Variants in SOX5 observed in about 807,000 individuals in gnomAD.
SOX5 encodes the protein SRY-box transcription factor 5.
SOX5 carries 9 observed loss-of-function variants against 92.0 expected under a neutral mutation model. The ratio of observed to expected loss-of-function variants is 0.10; its 90% confidence interval spans 0.06 to 0.17. SOX5 has a LOEUF of 0.17. SOX5 is among the 10% of genes least tolerant of loss of function. The probability of loss-of-function intolerance (pLI) is 1.00; values close to 1 mark genes in which losing one functional copy is unlikely to be tolerated. For missense variants in SOX5, 642 were observed against 944.5 expected, an observed-to-expected ratio of 0.68 and a Z score of 4.20; for synonymous variants, 344 against 336.3, an observed-to-expected ratio of 1.02 and a Z score of -0.25.
chr12:24,351,777 G>T (rs1954116989), intron 2 of SOX5, among the ~76,000 whole-genome samples: 1 of 152,152 alleles, frequency 6.6e-6, no homozygotes, highest in Non-Finnish European at 1.5e-5. Context: ...GGTAATTAAT[G>T]CAGTAAGAAA....
intron 2 of SOX5, among the ~76,000 whole-genome samples, chr12:24,355,556 A>G (rs1954733416): frequency 6.6e-6 from 1 of 152,118 alleles, no homozygotes; most frequent in Non-Finnish European, 1.5e-5. Flanking sequence ...GATAGGCCAG[A>G]TTCAGGGCCC....
rs115584787 is a variant in SOX5 at position 24,557,871 on chromosome 12, A to G, written c.-251+4458T>C. On this transcript the variant is annotated intron_variant, in intron 1 of 4. Coordinates refer to the SOX5 transcript ENST00000446891. Reference sequence around the variant, plus strand: ...CTAGTACTCCCCAAGATACATTTTTATGGCTCAATTTTGAAGGATGGTTAT... The same window carrying G: ...CTAGTACTCCCCAAGATACATTTTTGTGGCTCAATTTTGAAGGATGGTTAT... 4.1e-3 allele frequency among the ~76,000 whole-genome samples: 630 copies of G among 152,340 alleles called. 3 individuals are homozygous for G. Among genetic ancestry groups the G allele is most frequent in the African/African-American group, 0.014 (590 of 41,582 alleles).
intron 4 of SOX5, among the ~76,000 whole-genome samples, chr12:24,113,662 T>C (rs11047270): frequency 0.046 from 7,037 of 152,160 alleles, 170 homozygotes; most frequent in Non-Finnish European, 0.051. Flanking sequence ...TAATTATCAG[T>C]GGATATAATT....
chr12:23,984,952 G>T (rs1365890303), intron 4 of SOX5, among the ~76,000 whole-genome samples: 1 of 152,144 alleles, frequency 6.6e-6, no homozygotes, highest in Non-Finnish European at 1.5e-5. Flanking sequence ...TGAAAAATCA[G>T]ACTTTGGCAA....
intron 8 of SOX5, among the ~76,000 whole-genome samples, chr12:23,635,638 G>A (rs1031380369): frequency 1.2e-4 from 19 of 152,120 alleles, no homozygotes; most frequent in Middle Eastern, 3.4e-3. Flanking sequence ...AAATCTGCAC[G>A]TTGTGCACAT....
At chr12:24,279,521 C>T (rs1216012127) in intron 2 of SOX5, among the ~76,000 whole-genome samples, 6 of 152,064 alleles carry the variant, frequency 3.9e-5, no homozygotes, top group South Asian at 2.1e-4. Flanking sequence ...TCGCTGATAT[C>T]GCTAATATCA....
chr12:24,281,143 T>C, intron 2 of SOX5, among the ~76,000 whole-genome samples: 1 of 150,364 alleles, frequency 6.7e-6, no homozygotes, highest in South Asian at 2.1e-4. Flanking sequence ...TTAAAACAGA[T>C]AGTTTTTGAG....
intron 2 of SOX5, among the ~76,000 whole-genome samples, chr12:23,870,737 C>A (rs1448747860): frequency 1.3e-5 from 2 of 151,754 alleles, no homozygotes; most frequent in Non-Finnish European, 2.9e-5. Context: ...AAATTGTATT[C>A]TAAATTGGAT....
At chr12:24,314,770 T>C (rs930441651) in intron 2 of SOX5, among the ~76,000 whole-genome samples, 1 of 152,190 alleles carries the variant, frequency 6.6e-6, no homozygotes, top group Non-Finnish European at 1.5e-5. Flanking sequence ...GAACTGCGAT[T>C]TGCATTCCTT....
chr12:23,625,485 C>T (rs2077649856), intron 8 of SOX5, among the ~76,000 whole-genome samples: 1 of 152,170 alleles, frequency 6.6e-6, no homozygotes, highest in South Asian at 2.1e-4. Context: ...ACAAAACAAT[C>T]CCAGATATCT....
chr12:24,001,035 T>C (rs1336915676), intron 4 of SOX5, among the ~76,000 whole-genome samples: 8 of 152,146 alleles, frequency 5.3e-5, no homozygotes, highest in Admixed American at 2.0e-4. Context: ...TGGTAAGCCA[T>C]AAAAAAAGTT....
At chr12:23,647,388 A>T (rs2081006924) in intron 7 of SOX5, among the ~76,000 whole-genome samples, 1 of 152,156 alleles carries the variant, frequency 6.6e-6, no homozygotes, top group East Asian at 1.9e-4. Context: ...CTTAATTCTT[A>T]AAAAAACTAA....
At chr12:24,526,554 G>A (rs1428091397) in intron 1 of SOX5, among the ~76,000 whole-genome samples, 1 of 152,164 alleles carries the variant, frequency 6.6e-6, no homozygotes, top group African/African-American at 2.4e-5. Context: ...GGAAGAAATA[G>A]GAAACAAGAT....
At chr12:24,068,759 C>T (rs1366794181) in intron 4 of SOX5, among the ~76,000 whole-genome samples, 2 of 120,962 alleles carry the variant, frequency 1.7e-5, no homozygotes, top group African/African-American at 3.1e-5. Context: ...CACACACACA[C>T]ATTAGTTCCT....
intron 1 of SOX5, among the ~76,000 whole-genome samples, chr12:24,403,172 C>G (rs542849115): frequency 1.3e-5 from 2 of 152,164 alleles, no homozygotes. Flanking sequence ...ATTATTTTCT[C>G]CTCTTTTCTG....
chr12:24,359,551 C>T (rs1017536678), intron 2 of SOX5, among the ~76,000 whole-genome samples: 2 of 152,302 alleles, frequency 1.3e-5, no homozygotes, highest in Admixed American at 1.3e-4. Flanking sequence ...CCCCCTTAGC[C>T]ATACTTTTGG....
intron 4 of SOX5, among the ~76,000 whole-genome samples, chr12:24,047,821 A>G (rs1957200420): frequency 6.6e-6 from 1 of 152,222 alleles, no homozygotes; most frequent in African/African-American, 2.4e-5. Flanking sequence ...AACAATTCCA[A>G]GAAAGTCTCA....
In SOX5 at chr12:23,850,428, C is replaced by CA. The variant is rs1377680790; in HGVS notation, c.271-4236dup. 2.1e-3 allele frequency among the ~76,000 whole-genome samples: 146 copies of CA among 70,480 alleles called. 1 individual carries two copies. The highest frequency in any genetic ancestry group is 4.9e-3 in the African/African-American group (108 of 22,148). 46.2% of individuals were successfully genotyped at this position (70,480 alleles called of 152,430 possible). On this transcript the variant is annotated intron_variant, in intron 2 of 14. Coordinates refer to ENST00000451604, the MANE Select transcript of SOX5 (RefSeq NM_006940.6). The stretch of plus-strand genomic sequence containing the variant: ...TGGTGACAGAGTGAGACTCTGTCTA[C>CA]AAAAAAAAAATAAATAAATAAATAA...
intron 2 of SOX5, among the ~76,000 whole-genome samples, chr12:24,298,260 G>A (rs938256995): frequency 3.9e-5 from 6 of 152,126 alleles, no homozygotes; most frequent in African/African-American, 1.4e-4. Context: ...TGTCGAGAAA[G>A]GTTTTGCCAT....
Sources: gnomAD v4.1 joint callset for allele counts (sites outside exome capture counted in the v4.1 genomes callset) on GRCh38, gnomAD v4.1.1 for gene constraint, MANE v1.5 for transcripts, NCBI Gene and HGNC (gene_info 2026-07-23, HGNC 2026-07-21) for gene names.